PRICKLE1: variants seen among roughly 807,000 people sequenced by gnomAD.
PRICKLE1 encodes the protein prickle-like protein 1.
Under a neutral mutation model 70.2 loss-of-function variants are expected in PRICKLE1, and 14 were observed. That is an observed-to-expected ratio of 0.20 (90% confidence interval 0.13 to 0.31). The LOEUF (loss-of-function observed/expected upper bound fraction) is 0.31. Ranked by LOEUF, PRICKLE1 falls within the 10% of genes least tolerant of loss-of-function variation. PRICKLE1 has a pLI of 1.00. For synonymous variants in PRICKLE1, 357 were observed against 379.9 expected (o/e 0.94, Z 0.70); for missense variants, 821 against 1,026.2 (o/e 0.80, Z 2.73).
chr12:42,505,651 G>A (rs149564366), intron 1 of PRICKLE1, among the ~76,000 whole-genome samples: 21 of 152,208 alleles, frequency 1.4e-4, no homozygotes, highest in African/African-American at 4.8e-4. Flanking sequence ...GGTCAGGCTG[G>A]TCTGAAACTC....
rs192051169 is a variant in PRICKLE1, at chr12:42,518,155, T to A, written c.-48-45591A>T. Reference sequence around the variant, plus strand: ...ACTCTGTCACCCAGGGTGATCCTACTGCCTCAGCCTCCTGCGTAGCTGGAA... The same window carrying A: ...ACTCTGTCACCCAGGGTGATCCTACAGCCTCAGCCTCCTGCGTAGCTGGAA... On this transcript the variant is annotated intron_variant, in intron 1 of 7. Coordinates refer to ENST00000345127, the MANE Select transcript of PRICKLE1 (RefSeq NM_153026.3). Among the ~76,000 whole-genome samples, 50 of 152,080 alleles carry A rather than the reference T, an allele frequency of 3.3e-4. 1 individual carries two copies. Among genetic ancestry groups the A allele is most frequent in the Admixed American group, 3.1e-3 (48 of 15,250 alleles).
At chr12:42,544,174 T>C (rs2120615836) in intron 1 of PRICKLE1, among the ~76,000 whole-genome samples, 1 of 152,316 alleles carries the variant, frequency 6.6e-6, no homozygotes, top group South Asian at 2.1e-4. Flanking sequence ...GGGTCAACAT[T>C]GCTGCCCATC....
intron 1 of PRICKLE1, among the ~76,000 whole-genome samples, chr12:42,559,415 C>G (rs562435707): frequency 2.0e-5 from 3 of 151,938 alleles, no homozygotes; most frequent in African/African-American, 7.3e-5. Flanking sequence ...GGGTCTTGCT[C>G]TGTTGCCCAG....
chr12:42,497,517 C>T (rs558254215), intron 1 of PRICKLE1, among the ~76,000 whole-genome samples: 2 of 145,318 alleles, frequency 1.4e-5, no homozygotes, highest in African/African-American at 2.5e-5. Context: ...CCACTGCACT[C>T]CAGCCTGGGT....
At chr12:42,580,785 T>C (rs1053202050) in intron 1 of PRICKLE1, among the ~76,000 whole-genome samples, 5 of 152,068 alleles carry the variant, frequency 3.3e-5, no homozygotes, top group African/African-American at 9.7e-5. Flanking sequence ...CATTTCCAGG[T>C]TGAAATGACA....
intron 1 of PRICKLE1, among the ~76,000 whole-genome samples, chr12:42,565,955 C>G (rs1315415745): frequency 6.6e-6 from 1 of 152,118 alleles, no homozygotes; most frequent in Non-Finnish European, 1.5e-5. Flanking sequence ...AGAGGAGGGA[C>G]AGGAAACATG....
chr12:42,485,239 G>GTTTTTTTTTTTTTTTTTTTTTT (rs556218718), intron 1 of PRICKLE1: 3 of 100,786 alleles, frequency 3.0e-5, no homozygotes, highest in Admixed American at 1.3e-4. Flanking sequence ...CAGCTGAGAA[G>GTTTTTTTTTTTTTTTTTTTTTT]TTTTTTTTTT....
chr12:42,502,940 A>G (rs1419787131), intron 1 of PRICKLE1, among the ~76,000 whole-genome samples: 1 of 152,238 alleles, frequency 6.6e-6, no homozygotes, highest in East Asian at 1.9e-4. Flanking sequence ...CTGAAATTAA[A>G]GATGTTTTAA....
chr12:42,506,241 G>GTTTTTTTTTTTTTTTTTTT (rs774029085), intron 1 of PRICKLE1, among the ~76,000 whole-genome samples: 1 of 122,098 alleles, frequency 8.2e-6, no homozygotes, highest in Admixed American at 1.0e-4. Flanking sequence ...AGTAAAAAAT[G>GTTTTTTTTTTTTTTTTTTT]TTCTTTTTTC....
chr12:42,567,386 T>C (rs552910089), intron 1 of PRICKLE1, among the ~76,000 whole-genome samples: 2 of 152,378 alleles, frequency 1.3e-5, no homozygotes, highest in South Asian at 4.1e-4. Flanking sequence ...TGCCAGATTA[T>C]TTCTGGAGTA....
At chr12:42,470,505 G>T (rs778757590) in intron 2 of PRICKLE1, 146 bp from the exon 3 acceptor site, 29 of 681,680 alleles carry the variant, frequency 4.3e-5, no homozygotes, top group Non-Finnish European at 6.7e-5. Flanking sequence ...CAGCAGAACT[G>T]CAAACCTTCA....
At chr12:42,472,658 A>C in intron 1 of PRICKLE1, 94 bp from the exon 2 acceptor site, 1 of 1,062,658 alleles carries the variant, frequency 9.4e-7, no homozygotes, top group Non-Finnish European at 1.4e-6. Context: ...CTGTTAACAG[A>C]CAGCTGGGCC....
intron 1 of PRICKLE1, among the ~76,000 whole-genome samples, chr12:42,488,710 C>T (rs781589104): frequency 2.0e-5 from 3 of 152,054 alleles, no homozygotes; most frequent in Admixed American, 6.5e-5. Context: ...TTGCAAACCC[C>T]AGTATACAGT....
intron 1 of PRICKLE1, among the ~76,000 whole-genome samples, chr12:42,501,914 A>C (rs950167147): frequency 1.3e-5 from 2 of 152,118 alleles, no homozygotes; most frequent in Non-Finnish European, 2.9e-5. Flanking sequence ...TGTACTGCAA[A>C]TTTTCTGTGC....
intron 1 of PRICKLE1, among the ~76,000 whole-genome samples, chr12:42,478,725 TC>T (rs376509772): frequency 0.03 from 4,345 of 142,716 alleles, 198 homozygotes; most frequent in African/African-American, 0.11. Context: ...GCTGGGATAC[TC>T]TTTTTTTTTT....
intron 1 of PRICKLE1, among the ~76,000 whole-genome samples, chr12:42,552,059 CTTTTTTT>C (rs201217516): frequency 0.14 from 18,142 of 128,940 alleles, 1,304 homozygotes; most frequent in Non-Finnish European, 0.19. Flanking sequence ...AAGAAAGTTA[CTTTTTTT>C]TTTTTTTTTT....
intron 1 of PRICKLE1, among the ~76,000 whole-genome samples, chr12:42,500,056 C>CT (rs146278591): frequency 0.041 from 6,292 of 152,212 alleles, 158 homozygotes; most frequent in South Asian, 0.084. Flanking sequence ...CATCCACGGC[C>CT]TAGAAATTTT....
intron 1 of PRICKLE1, among the ~76,000 whole-genome samples, chr12:42,568,162 T>A (rs2120738721): frequency 2.0e-5 from 3 of 152,348 alleles, no homozygotes; most frequent in Middle Eastern, 3.4e-3. Context: ...GAACACTTTT[T>A]GCATTATTTT....
chr12:42,497,781 C>A (rs551877701), intron 1 of PRICKLE1, among the ~76,000 whole-genome samples: 1 of 152,248 alleles, frequency 6.6e-6, no homozygotes, highest in Admixed American at 6.5e-5. Context: ...TTGCTTGACA[C>A]AGGATTGCCA....
Sources: allele counts gnomAD v4.1 joint callset (sites outside exome capture counted in the v4.1 genomes callset), GRCh38; gene constraint gnomAD v4.1.1; transcripts MANE v1.5; gene names NCBI Gene and HGNC (gene_info 2026-07-23, HGNC 2026-07-21).